Variants in ABCA6 observed in about 807,000 individuals in gnomAD.
ABCA6 encodes the protein ATP binding cassette subfamily A member 6.
In ABCA6, 164 loss-of-function variants were observed where a neutral mutation model predicts 191.2. The observed-to-expected ratio is 0.86, with a 90% CI of 0.76 to 0.98. The LOEUF (loss-of-function observed/expected upper bound fraction) is 0.98, where lower values mean the gene tolerates loss of function less well. Among genes scored for constraint, ABCA6 ranks in the 50% least tolerant of loss-of-function variants. The pLI, the probability that ABCA6 is intolerant of heterozygous loss-of-function variation, is 0.00. For synonymous variants in ABCA6, 636 were observed against 647.7 expected (o/e 0.98, Z 0.27); for missense variants, 1,958 against 1,894.1 (o/e 1.03, Z -0.63).
At chr17:69,090,066 A>G (rs1190507046) in intron 26 of ABCA6, among the ~76,000 whole-genome samples, 1 of 152,188 alleles carries the variant, frequency 6.6e-6, no homozygotes, top group Non-Finnish European at 1.5e-5. Flanking sequence ...TATATAATAC[A>G]TGACAGATCA....
In ABCA6 at chr17:69,113,093, G is replaced by A. The variant is rs572729668; in HGVS notation, c.2041+129C>T. The A allele has an allele frequency of 2.0e-5, 21 of 1,072,142 alleles. No individual in the cohort carries two copies. The East Asian group carries it at 2.1e-4, about 11-fold the overall frequency. 66.4% of individuals were successfully genotyped at this position (1,072,142 alleles called of 1,614,324 possible). On this transcript the variant is annotated intron_variant, in intron 15 of 38. Coordinates refer to ENST00000284425, the MANE Select transcript of ABCA6 (RefSeq NM_080284.3). ...TCCACAGTGGAACTAGACTCCTGTCGTCCTCCTGACTGCTATAGAATGTAG... is the reference window on the plus strand; with the variant it reads ...TCCACAGTGGAACTAGACTCCTGTCATCCTCCTGACTGCTATAGAATGTAG...
intron 27 of ABCA6, 107 bp from the exon 28 acceptor site, chr17:69,088,365 C>G (rs1200181755): frequency 1.2e-6 from 1 of 820,586 alleles, no homozygotes; most frequent in African/African-American, 1.8e-5. Flanking sequence ...AGTTGTGGAT[C>G]ATTCTCATAA....
intron 8 of ABCA6, among the ~76,000 whole-genome samples, chr17:69,125,507 A>G (rs1008008719): frequency 3.5e-4 from 53 of 152,254 alleles, no homozygotes; most frequent in African/African-American, 1.3e-3. Flanking sequence ...AGTGTTTTGT[A>G]TATTATCCCA....
chr17:69,096,348 T>C lies in ABCA6; in HGVS notation c.3300A>G (p.Ile1100Met), dbSNP rs375653230. ...GAGAAGCTGCATAACCAGGAGTAAC[T>C]ATAACCTGAGCATAAAAGAAATAAT... ...ITSQIVFALV[I>M]VTPGYAASLV... The change falls in exon 25 of 39, where the codon ATA becomes ATG. Residue 1100 changes from isoleucine to methionine, a missense_variant. Coordinates refer to ENST00000284425, the MANE Select transcript of ABCA6 (RefSeq NM_080284.3). The C allele has an allele frequency of 2.0e-5, 29 of 1,432,852 alleles. No individual in the cohort carries two copies. In the African/African-American group the frequency reaches 3.9e-4, roughly 19 times the overall value. 88.8% of individuals were successfully genotyped at this position (1,432,852 alleles called of 1,614,324 possible). A position where few individuals can be genotyped will look rare whatever the true frequency, so the allele number is the denominator to read the frequency against.
At position 69,091,523 on chromosome 17, in the gene ABCA6, C is replaced by CT. The variant is rs1196866549; in HGVS notation, c.3409-262dup. ...AAAGCTAAAATGACCAAATAGACTT[C>CT]TTTTTTTTTTTTTTTTTGAGACGGA... On this transcript the variant is annotated intron_variant, in intron 25 of 38. Transcript: ENST00000284425. 6.6e-3 allele frequency among the ~76,000 whole-genome samples: 504 copies of CT among 76,396 alleles called. 158 individuals are homozygous for CT. Among genetic ancestry groups the CT allele is most frequent in the African/African-American group, 0.021 (311 of 14,828 alleles). The allele number at this position is 76,396 out of a possible 152,430, so 50.1% of individuals were successfully genotyped here. A position where few individuals can be genotyped will look rare whatever the true frequency, so the allele number is the denominator to read the frequency against.
chr17:69,105,508 T>C lies in ABCA6; in HGVS notation c.2694A>G (p.Gln898=). 6.2e-7 allele frequency: 1 copy of C among 1,611,496 alleles called. No homozygotes were observed. The highest frequency in any genetic ancestry group is 8.5e-7 in the Non-Finnish European group (1 of 1,179,522). The change falls in exon 20 of 39, where the codon CAA becomes CAG. Residue 898 remains glutamine (Q), a synonymous_variant. Coordinates refer to ENST00000284425, the MANE Select transcript of ABCA6 (RefSeq NM_080284.3). ...GGCTGGTACGGGGTTCCTGGGGAAG[T>C]TGTCCAGGAGAGAGAAAATACAATT... The part of the protein sequence containing the change: ...KNELYFLSPG[Q]LPQEPRTSLL...
At chr17:69,141,106 G>T (rs8078314) in intron 1 of ABCA6, among the ~76,000 whole-genome samples, 89,697 of 151,868 alleles carry the variant, frequency 0.59, 27,881 homozygotes, top group Admixed American at 0.7. Context: ...TCTTTACATT[G>T]AAACAGAAAT....
At chr17:69,128,129 G>A (rs763171595) in intron 8 of ABCA6, among the ~76,000 whole-genome samples, 11 of 152,014 alleles carry the variant, frequency 7.2e-5, no homozygotes, top group African/African-American at 1.4e-4. Flanking sequence ...TTACCTTTAC[G>A]AAGGAGGAGT....
At chr17:69,082,307 A>G (rs2072655039) in intron 36 of ABCA6, among the ~76,000 whole-genome samples, 1 of 144,800 alleles carries the variant, frequency 6.9e-6, no homozygotes. Context: ...CCCTCCCCCA[A>G]ATAACATACA....
intron 21 of ABCA6, among the ~76,000 whole-genome samples, chr17:69,101,894 TA>T (rs1396576732): frequency 2.0e-5 from 3 of 152,212 alleles, no homozygotes; most frequent in Admixed American, 1.3e-4. Context: ...TTTTATAGCA[TA>T]TTTAGTTTAT....
At chr17:69,116,530 C>T (rs2073541784) in intron 11 of ABCA6, among the ~76,000 whole-genome samples, 1 of 152,020 alleles carries the variant, frequency 6.6e-6, no homozygotes, top group African/African-American at 2.4e-5. Context: ...AATTTATATT[C>T]AAGAAACAAT....
chr17:69,103,741 GCC>G (rs1400004696), intron 20 of ABCA6, among the ~76,000 whole-genome samples: 1 of 151,946 alleles, frequency 6.6e-6, no homozygotes, highest in Non-Finnish European at 1.5e-5. Flanking sequence ...GACCCGTCAG[GCC>G]CCTCCCCACG....
At chr17:69,086,844 G>A (rs2144615456) in intron 29 of ABCA6, 109 bp from the exon 30 acceptor site, 1 of 657,802 alleles carries the variant, frequency 1.5e-6, no homozygotes, top group Non-Finnish European at 2.6e-6. Context: ...TGAGTTGAGA[G>A]TAATTCATGC....
intron 14 of ABCA6, 118 bp from the exon 15 acceptor site, chr17:69,113,478 T>C: frequency 4.6e-6 from 7 of 1,523,264 alleles, no homozygotes; most frequent in Non-Finnish European, 5.3e-6. Context: ...TTTTCTCCAA[T>C]ATACTTCTAT....
chr17:69,078,880 T>C lies in ABCA6; in HGVS notation c.*93A>G, dbSNP rs2072556028. 5 of 723,504 alleles carry C rather than the reference T, an allele frequency of 6.9e-6. No individual in the cohort carries two copies. The highest frequency in any genetic ancestry group is 3.5e-5 in the Admixed American group (1 of 28,386). The allele number at this position is 723,504 out of a possible 1,614,324, so 44.8% of individuals were successfully genotyped here. A position where few individuals can be genotyped will look rare whatever the true frequency, so the allele number is the denominator to read the frequency against. On this transcript the variant is annotated 3_prime_UTR_variant, in exon 39 of 39. Coordinates refer to ENST00000284425, the MANE Select transcript of ABCA6 (RefSeq NM_080284.3). ...ATTTACAAAATATACCTGATGTTAA[T>C]TTTAAATGATCTTTAAAATTAAACA...
At chr17:69,087,643 A>T in intron 28 of ABCA6, 170 bp from the exon 29 acceptor site, 1 of 815,410 alleles carries the variant, frequency 1.2e-6, no homozygotes, top group Non-Finnish European at 1.9e-6. Context: ...CTGTCCCACT[A>T]GCCAGAATCC....
chr17:69,086,510 T>G (rs963280019), intron 30 of ABCA6, 108 bp downstream of exon 30: 9 of 317,996 alleles, frequency 2.8e-5, no homozygotes, highest in Admixed American at 1.1e-4. Context: ...TATATATATA[T>G]AGAATAAATG....
Position 69,079,201 on chromosome 17 carries a change from T to C in ABCA6, c.4752+9A>G. On this transcript the variant is annotated intron_variant, in intron 38 of 38. Transcript: ENST00000284425. ...ACCAGATGATACAAAGTCAAACCAC[T>C]TGACTTACCTTCTCCAGTGTGCACT... The C allele has an allele frequency of 6.2e-7, 1 of 1,608,184 alleles. No individual in the cohort carries two copies. The highest frequency in any genetic ancestry group is 2.2e-5 in the East Asian group (1 of 44,680).
In ABCA6 at chr17:69,085,072, G is replaced by T; in HGVS notation, c.4140C>A (p.Ala1380=). 6.2e-7 allele frequency: 1 copy of T among 1,613,482 alleles called. No individual in the cohort carries two copies. Among genetic ancestry groups the T allele is most frequent in the Non-Finnish European group, 8.5e-7 (1 of 1,179,838 alleles). Residue 1380 remains alanine (A), a synonymous_variant, in exon 32 of 39, where the codon GCC becomes GCA. Coordinates refer to ENST00000284425, the MANE Select transcript of ABCA6 (RefSeq NM_080284.3). ...CGTCCGCTTTCCTGAGCCCCTTGAC[G>T]GCAGCATACACCTCCAGGTGTTCCC... is the stretch of plus-strand genomic sequence containing the variant. ...TLREHLEVYA[A]VKGLRKADAR...
Sources: allele counts gnomAD v4.1 joint callset (sites outside exome capture counted in the v4.1 genomes callset), GRCh38; gene constraint gnomAD v4.1.1; transcripts MANE v1.5; gene names NCBI Gene and HGNC (gene_info 2026-07-23, HGNC 2026-07-21).